CCDC77: variants seen among roughly 807,000 people sequenced by gnomAD.
CCDC77 encodes coiled-coil domain containing 77.
Under a neutral mutation model 66.8 loss-of-function variants are expected in CCDC77, and 56 were observed. The observed-to-expected ratio is 0.84, with a 90% CI of 0.68 to 1.05. CCDC77 has a LOEUF of 1.05. Among genes scored for constraint, CCDC77 ranks in the 50% least tolerant of loss-of-function variants. The pLI is 0.00. For synonymous variants in CCDC77, 196 were observed against 195.2 expected (o/e 1.00, Z -0.03); for missense variants, 570 against 576.8 (o/e 0.99, Z 0.12).
intron 9 of CCDC77, among the ~76,000 whole-genome samples, chr12:434,430 G>C (rs1308577460): frequency 1.3e-5 from 2 of 149,030 alleles, no homozygotes; most frequent in Non-Finnish European, 3.0e-5. Context: ...CCGGTTCCCT[G>C]CAACCGCTGC....
intron 4 of CCDC77, among the ~76,000 whole-genome samples, chr12:415,395 T>C (rs893065912): frequency 2.6e-5 from 2 of 76,526 alleles, no homozygotes. Context: ...TATGTTAATA[T>C]AATCAACATA....
At position 438,419 on chromosome 12, in the gene CCDC77, A is replaced by G. The variant is rs117138828; in HGVS notation, c.906A>G (p.Ser302=). The change falls in exon 10 of 13, where the codon TCA becomes TCG. Residue 302 remains serine, a synonymous_variant. Transcript: ENST00000239830. ...CTGAAAACCAAAATAAAGAGAAGTC[A>G]TGGATGCTTGAAAAAGATAATTTGA... The part of the protein sequence containing the change: ...LRSENQNKEK[S]WMLEKDNLMS... The G allele has an allele frequency of 1.2e-6, 2 of 1,614,072 alleles. No homozygotes were observed. The highest frequency in any genetic ancestry group is 2.2e-5 in the East Asian group (1 of 44,872).
At position 441,783 on chromosome 12, in the gene CCDC77, A is replaced by G. The variant is rs199662820; in HGVS notation, c.1330A>G (p.Asn444Asp). The G allele has an allele frequency of 6.2e-7, 1 of 1,609,786 alleles. No homozygotes were observed. The highest frequency in any genetic ancestry group is 2.2e-5 in the East Asian group (1 of 44,776). ...LEQMLYKATV[N>D]ARANQDLALL... ...TTTTTCAAACCCCTAGGCAACAGTT[A>G]ATGCCCGGGCAAACCAGGATCTTGC... Residue 444 changes from asparagine (N) to aspartate (D), a missense_variant, in exon 13 of 13, where the codon AAT becomes GAT. Asn to Asp is a conservative substitution (Grantham distance 23, BLOSUM62 1). Coordinates refer to ENST00000239830, the MANE Select transcript of CCDC77 (RefSeq NM_032358.4).
intron 6 of CCDC77, among the ~76,000 whole-genome samples, chr12:429,545 C>T (rs976855469): frequency 2.6e-5 from 4 of 151,796 alleles, no homozygotes; most frequent in African/African-American, 4.8e-5. Context: ...CTGCAACCTC[C>T]GCTCTGGGGC....
intron 9 of CCDC77, 122 bp downstream of exon 9, chr12:433,444 C>A: frequency 6.8e-7 from 1 of 1,459,994 alleles, no homozygotes; most frequent in Non-Finnish European, 9.1e-7. Flanking sequence ...AAAAGACTGT[C>A]TTCCTCAGAA....
At chr12:410,533 G>T (rs889548579) in intron 3 of CCDC77, among the ~76,000 whole-genome samples, 4 of 151,580 alleles carry the variant, frequency 2.6e-5, no homozygotes, top group African/African-American at 7.3e-5. Context: ...CTCCCAAAGT[G>T]GTGGGATTAC....
At chr12:439,327 C>T (rs1361141541) in intron 10 of CCDC77, among the ~76,000 whole-genome samples, 4 of 151,960 alleles carry the variant, frequency 2.6e-5, no homozygotes, top group Non-Finnish European at 5.9e-5. Flanking sequence ...CGAGACCAGC[C>T]TGACCAACAT....
intron 1 of CCDC77, among the ~76,000 whole-genome samples, chr12:393,301 A>G (rs1024486964): frequency 6.6e-6 from 1 of 151,774 alleles, no homozygotes; most frequent in Non-Finnish European, 1.5e-5. Flanking sequence ...TTTTGTAGAC[A>G]TGGGATCTTG....
At chr12:427,011 C>T (rs1945545525) in intron 5 of CCDC77, among the ~76,000 whole-genome samples, 1 of 152,086 alleles carries the variant, frequency 6.6e-6, no homozygotes, top group Non-Finnish European at 1.5e-5. Context: ...TTTGGGGTGG[C>T]TGAGGCGGGC....
At chr12:390,261 C>T (rs1944732250) in intron 1 of CCDC77, 1 of 152,138 alleles carries the variant, frequency 6.6e-6, no homozygotes, top group African/African-American at 2.4e-5. Flanking sequence ...CTGATTTCTC[C>T]TCTCAAATCC....
upstream of CCDC77, among the ~76,000 whole-genome samples, chr12:401,401 C>T (rs1944891394): frequency 6.6e-6 from 1 of 152,246 alleles, no homozygotes; most frequent in Non-Finnish European, 1.5e-5. Context: ...CTACCCGTCC[C>T]TGGAGGAGCG....
intron 1 of CCDC77, among the ~76,000 whole-genome samples, chr12:392,114 CTG>C (rs1483130983): frequency 6.6e-6 from 1 of 152,022 alleles, no homozygotes; most frequent in Non-Finnish European, 1.5e-5. Context: ...TGGAGTATAA[CTG>C]TAGTTTAAAA....
chr12:433,591 G>A lies in CCDC77; in HGVS notation c.821+269G>A, dbSNP rs1029027128. 1.9e-5 allele frequency: 11 copies of A among 583,170 alleles called. 1 individual carries two copies. Among genetic ancestry groups the A allele is most frequent in the South Asian group, 1.0e-4 (2 of 19,678 alleles). 36.1% of individuals were successfully genotyped at this position (583,170 alleles called of 1,614,324 possible). A position where few individuals can be genotyped will look rare whatever the true frequency, so the allele number is the denominator to read the frequency against. On this transcript the variant is annotated intron_variant, in intron 9 of 12. Transcript: ENST00000239830. ...GGTGGCTAAGAAGTGTTCTTAGGCC[G>A]GGTGCAGTGGCTCACGCCTGTAATC... is the stretch of plus-strand genomic sequence containing the variant.
At chr12:396,129 C>T (rs998676318) in intron 1 of CCDC77, among the ~76,000 whole-genome samples, 3 of 152,288 alleles carry the variant, frequency 2.0e-5, no homozygotes, top group Non-Finnish European at 2.9e-5. Flanking sequence ...AGGTGGCTCA[C>T]GCCTATAATC....
Position 438,510 on chromosome 12 carries a change from C to A in CCDC77, c.997C>A (p.Pro333Thr), listed in dbSNP as rs1374784065. The change falls in exon 10 of 13, where the codon CCC becomes ACC. Residue 333 changes from proline to threonine, a missense_variant. Physicochemically the swap from Pro to Thr is conservative, Grantham distance 38. Coordinates refer to ENST00000239830, the MANE Select transcript of CCDC77 (RefSeq NM_032358.4). ...AGAAGATAAAATTGGAAAAGTGTTG[C>A]CCGTTATGCATGAGAGTCACCATGC... The part of the protein sequence containing the change: ...KKEDKIGKVL[P>T]VMHESHHAQS... 5 of 1,613,704 alleles carry A rather than the reference C, an allele frequency of 3.1e-6. No homozygotes were observed. In the Admixed American group the frequency reaches 8.3e-5, roughly 27 times the overall value.
intron 8 of CCDC77, among the ~76,000 whole-genome samples, 196 bp downstream of exon 8, chr12:432,150 T>C (rs559507619): frequency 6.6e-6 from 1 of 152,334 alleles, no homozygotes; most frequent in Admixed American, 6.5e-5. Context: ...ATTTGAACAT[T>C]CTTAAGGTGC....
intron 1 of CCDC77, among the ~76,000 whole-genome samples, chr12:403,772 A>G (rs932589765): frequency 7.2e-5 from 11 of 152,294 alleles, no homozygotes; most frequent in African/African-American, 2.6e-4. Context: ...CATTACAGGC[A>G]TGAGCCACTG....
chr12:405,753 G>A (rs944176534), intron 2 of CCDC77, among the ~76,000 whole-genome samples, 189 bp downstream of exon 2: 1 of 151,978 alleles, frequency 6.6e-6, no homozygotes, highest in African/African-American at 2.4e-5. Context: ...CATATTGAGA[G>A]TTGTATATAT....
intron 9 of CCDC77, among the ~76,000 whole-genome samples, chr12:437,805 C>T (rs941446111): frequency 6.8e-6 from 1 of 147,278 alleles, no homozygotes; most frequent in Non-Finnish European, 1.5e-5. Context: ...GTGATCGTGC[C>T]TCTGCACTCC....
Sources: allele counts gnomAD v4.1 joint callset (sites outside exome capture counted in the v4.1 genomes callset), GRCh38; gene constraint gnomAD v4.1.1; transcripts MANE v1.5; gene names NCBI Gene and HGNC (gene_info 2026-07-23, HGNC 2026-07-21).